CPED1: variants seen among roughly 807,000 people sequenced by gnomAD.
CPED1 encodes the protein cadherin-like and PC-esterase domain-containing protein 1.
In CPED1, 114 loss-of-function variants were observed where a neutral mutation model predicts 128.2. That is an observed-to-expected ratio of 0.89 (90% CI 0.76 to 1.04). The LOEUF (loss-of-function observed/expected upper bound fraction) is 1.04, where lower values mean the gene tolerates loss of function less well. Among genes scored for constraint, CPED1 ranks in the 50% least tolerant of loss-of-function variants. The pLI, the probability that CPED1 is intolerant of heterozygous loss-of-function variation, is 0.00. For synonymous variants in CPED1, 462 were observed against 426.7 expected (o/e 1.08, Z -1.02); for missense variants, 1,211 against 1,207.1 (o/e 1.00, Z -0.05).
chr7:121,193,344 A>G lies in CPED1; in HGVS notation c.2056-43370A>G, dbSNP rs148642369. ...TTTATTAAAGATACCAAGCTAAATGATGGAAAATTTGAACAATCTGGGTTA... is the reference window on the plus strand; with the variant it reads ...TTTATTAAAGATACCAAGCTAAATGGTGGAAAATTTGAACAATCTGGGTTA... On this transcript the variant is annotated intron_variant, in intron 16 of 22. Coordinates refer to ENST00000310396, the MANE Select transcript of CPED1 (RefSeq NM_024913.5). Among the ~76,000 whole-genome samples the G allele has an allele frequency of 2.5e-4, 38 of 152,276 alleles. 1 individual carries two copies. Among genetic ancestry groups the G allele is most frequent in the African/African-American group, 8.7e-4 (36 of 41,586 alleles).
chr7:121,286,886 C>T (rs919779444), intron 22 of CPED1, among the ~76,000 whole-genome samples: 14 of 152,108 alleles, frequency 9.2e-5, no homozygotes, highest in African/African-American at 3.1e-4. Flanking sequence ...ACTCATAGTT[C>T]AGCATGGCTG....
chr7:121,098,240 CAAG>C (rs1794749053), intron 6 of CPED1, among the ~76,000 whole-genome samples: 1 of 151,790 alleles, frequency 6.6e-6, no homozygotes, highest in Admixed American at 6.6e-5. Flanking sequence ...TGCTGTGTAT[CAAG>C]TTATCCAAGT....
chr7:120,997,509 A>G (rs180996185), intron 2 of CPED1, among the ~76,000 whole-genome samples: 412 of 152,338 alleles, frequency 2.7e-3, no homozygotes, highest in African/African-American at 9.4e-3. Context: ...TTGAAGCCCT[A>G]AACTCCAGTA....
intron 16 of CPED1, among the ~76,000 whole-genome samples, chr7:121,216,528 T>C (rs955906706): frequency 2.6e-4 from 40 of 151,906 alleles, no homozygotes; most frequent in Non-Finnish European, 7.4e-5. Flanking sequence ...GGGAGGAAAT[T>C]AGCAGGCTCT....
intron 2 of CPED1, among the ~76,000 whole-genome samples, chr7:121,000,551 T>A (rs527843115): frequency 3.9e-4 from 59 of 152,284 alleles, no homozygotes; most frequent in African/African-American, 1.4e-3. Context: ...ATGGGCCTTA[T>A]CATGTTCCTT....
chr7:121,247,528 G>T (rs1798565709), intron 18 of CPED1, among the ~76,000 whole-genome samples: 1 of 152,170 alleles, frequency 6.6e-6, no homozygotes, highest in African/African-American at 2.4e-5. Context: ...TAAGGCTGAG[G>T]AGGGAGGAGG....
At chr7:121,096,813 G>A (rs1794710304) in intron 5 of CPED1, among the ~76,000 whole-genome samples, 1 of 151,814 alleles carries the variant, frequency 6.6e-6, no homozygotes, top group Non-Finnish European at 1.5e-5. Flanking sequence ...TGGGTTAGTA[G>A]GTATAAATAA....
At chr7:121,083,403 G>A (rs1794341825) in intron 5 of CPED1, among the ~76,000 whole-genome samples, 1 of 152,042 alleles carries the variant, frequency 6.6e-6, no homozygotes, top group Non-Finnish European at 1.5e-5. Context: ...CTGTCCTTCT[G>A]GTCTTCTTGG....
chr7:121,118,008 A>G (rs1040545638), intron 7 of CPED1, among the ~76,000 whole-genome samples: 13 of 152,218 alleles, frequency 8.5e-5, no homozygotes, highest in African/African-American at 3.1e-4. Flanking sequence ...AATCCTTCAC[A>G]ATTCAGGTTG....
chr7:121,020,939 T>A, intron 3 of CPED1, among the ~76,000 whole-genome samples: 1 of 151,980 alleles, frequency 6.6e-6, no homozygotes, highest in East Asian at 1.9e-4. Context: ...ATAAAGTAGA[T>A]GTCATATCTT....
intron 16 of CPED1, among the ~76,000 whole-genome samples, chr7:121,155,256 A>G (rs1010002886): frequency 6.6e-6 from 1 of 152,222 alleles, no homozygotes; most frequent in Admixed American, 6.5e-5. Flanking sequence ...GGATTGGAAG[A>G]ATTAATATTG....
intron 16 of CPED1, among the ~76,000 whole-genome samples, chr7:121,174,188 G>A (rs1796722210): frequency 6.6e-6 from 1 of 152,110 alleles, no homozygotes; most frequent in Non-Finnish European, 1.5e-5. Flanking sequence ...TTACTCTGTT[G>A]ATAGTTTTGT....
intron 10 of CPED1, 76 bp downstream of exon 10, chr7:121,127,333 A>G (rs1795529530): frequency 8.9e-6 from 8 of 896,342 alleles, no homozygotes; most frequent in African/African-American, 5.1e-5. Context: ...TTATTCTGCA[A>G]TTCAGCAACT....
At position 120,989,450 on chromosome 7, in the gene CPED1, G is replaced by A. The variant is rs1456551613; in HGVS notation, c.-172G>A. The A allele has an allele frequency of 2.8e-6, 2 of 726,328 alleles. No homozygotes were observed. The highest frequency in any genetic ancestry group is 1.9e-5 in the South Asian group (1 of 52,862). 45.0% of individuals were successfully genotyped at this position (726,328 alleles called of 1,614,324 possible). On this transcript the variant is annotated 5_prime_UTR_variant, in exon 2 of 23. Transcript: ENST00000310396. ...TCTTATTAAAAGCCTCAGACTTTCG[G>A]GACCTATGATTCTTTGGCACAACCT...
At chr7:121,014,963 TC>T (rs1792261516) in intron 2 of CPED1, among the ~76,000 whole-genome samples, 1 of 152,248 alleles carries the variant, frequency 6.6e-6, no homozygotes, top group South Asian at 2.1e-4. Flanking sequence ...GCCTTCTTTT[TC>T]CTTGTCAATT....
At position 121,233,994 on chromosome 7, in the gene CPED1, CA is replaced by C. The variant is rs1157815168; in HGVS notation, c.2056-2718del. On this transcript the variant is annotated intron_variant, in intron 16 of 22. Coordinates refer to ENST00000310396, the MANE Select transcript of CPED1 (RefSeq NM_024913.5). ...AAGCAGAAAGAGGAAACAGAGTGAT[CA>C]AGAAAAAGTGGCATCAGGAAAGGAA... is the stretch of plus-strand genomic sequence containing the variant. Among the ~76,000 whole-genome samples the C allele has an allele frequency of 2.5e-4, 38 of 152,022 alleles. 1 individual carries two copies.
At chr7:121,127,047 T>C (rs372855995) in intron 9 of CPED1, 43 bp from the exon 10 acceptor site, 5 of 1,408,270 alleles carry the variant, frequency 3.6e-6, no homozygotes, top group Non-Finnish European at 4.8e-6. Context: ...GTCTTAAAAG[T>C]AAATCGATGA....
At chr7:121,233,901 T>C (rs1252123474) in intron 16 of CPED1, among the ~76,000 whole-genome samples, 3 of 152,016 alleles carry the variant, frequency 2.0e-5, no homozygotes, top group Non-Finnish European at 4.4e-5. Context: ...CTCATTCTAT[T>C]TTTTCTGCCT....
At chr7:121,280,641 A>G (rs1040424133) in intron 22 of CPED1, among the ~76,000 whole-genome samples, 2 of 152,230 alleles carry the variant, frequency 1.3e-5, no homozygotes, top group African/African-American at 4.8e-5. Flanking sequence ...CTTCAATCAA[A>G]ACACAGTTTA....
Sources: gnomAD v4.1 joint callset for allele counts (sites outside exome capture counted in the v4.1 genomes callset) on GRCh38, gnomAD v4.1.1 for gene constraint, MANE v1.5 for transcripts, NCBI Gene and HGNC (gene_info 2026-07-23, HGNC 2026-07-21) for gene names.